ZNF518B: variants seen among roughly 807,000 people sequenced by gnomAD.
ZNF518B encodes the protein zinc finger protein 518B.
A neutral mutation model predicts 56.3 loss-of-function variants in ZNF518B; 23 were observed. The ratio of observed to expected loss-of-function variants is 0.41; its 90% CI spans 0.29 to 0.58. The LOEUF (loss-of-function observed/expected upper bound fraction) is 0.58. ZNF518B is among the 20% of genes least tolerant of loss of function. The pLI is 0.32. For missense variants in ZNF518B, 1,460 were observed against 1,272.1 expected, an observed-to-expected ratio of 1.15 and a Z score of -2.25; for synonymous variants, 529 against 465.9, an observed-to-expected ratio of 1.14 and a Z score of -1.74.
In ZNF518B at chr4:10,445,011, A is replaced by G. The variant is rs754168388; in HGVS notation, c.1318T>C (p.Phe440Leu). ...TGCACACTAGAATTTGGCATAATAAAATCATAAGACCTTACCCATTTCACA... is the reference window on the plus strand; with the variant it reads ...TGCACACTAGAATTTGGCATAATAAGATCATAAGACCTTACCCATTTCACA... The part of the protein sequence containing the change: ...KNVKWVRSYD[F>L]IMPNSSVHNN... Residue 440 changes from phenylalanine to leucine, a missense_variant, in exon 3 of 3, where the codon TTT (phenylalanine) becomes CTT (leucine). Coordinates refer to ENST00000326756, the MANE Select transcript of ZNF518B (RefSeq NM_053042.3). The G allele has an allele frequency of 6.2e-7, 1 of 1,614,182 alleles. No homozygotes were observed. Among genetic ancestry groups the G allele is most frequent in the Non-Finnish European group, 8.5e-7 (1 of 1,180,038 alleles).
rs1208271047 is a variant in ZNF518B, at chr4:10,445,646, A to G, written c.683T>C (p.Leu228Pro). 6.8e-6 allele frequency: 11 copies of G among 1,614,042 alleles called. No individual in the cohort carries two copies. Among genetic ancestry groups the G allele is most frequent in the African/African-American group, 2.7e-5 (2 of 74,930 alleles). ...TGAAGTTCCGGTTCTTTTTGGCTCC[A>G]GCTTGGCAACAGCTTTGACTGGCCG... The part of the protein sequence containing the change: ...AKRPVKAVAK[L>P]EPKRTGTSKQ... Residue 228 changes from leucine to proline, a missense_variant, in exon 3 of 3, where the codon CTG becomes CCG. By Grantham distance (98) the Leu-to-Pro change is moderately conservative. Coordinates refer to ENST00000326756, the MANE Select transcript of ZNF518B (RefSeq NM_053042.3).
chr4:10,446,981 A>G (rs1715086687), intron 2 of ZNF518B, among the ~76,000 whole-genome samples: 2 of 152,216 alleles, frequency 1.3e-5, no homozygotes, highest in Non-Finnish European at 1.5e-5. Context: ...GGGTGTTCAC[A>G]TTTGTTTCTA....
upstream of ZNF518B, among the ~76,000 whole-genome samples, chr4:10,460,738 C>T (rs1715720095): frequency 6.6e-6 from 1 of 152,178 alleles, no homozygotes; most frequent in South Asian, 2.1e-4. Flanking sequence ...TCTGAACTTC[C>T]TTCCATGCTT....
upstream of ZNF518B, among the ~76,000 whole-genome samples, chr4:10,457,726 G>C (rs1266276813): frequency 2.0e-5 from 3 of 152,230 alleles, no homozygotes; most frequent in Non-Finnish European, 4.4e-5. Context: ...GGGCGGCCTT[G>C]GCGCCTGCCT....
intron 1 of ZNF518B, among the ~76,000 whole-genome samples, chr4:10,456,875 C>T (rs977598157): frequency 1.3e-5 from 2 of 151,994 alleles, no homozygotes; most frequent in African/African-American, 2.4e-5. Context: ...CTTCATAACG[C>T]TGGGGGCGGG....
intron 2 of ZNF518B, chr4:10,451,686 AC>A (rs1164092177): frequency 6.6e-6 from 1 of 152,222 alleles, no homozygotes; most frequent in Non-Finnish European, 1.5e-5. Context: ...GTTTGGTTAT[AC>A]CGCCCGAAAG....
rs941721511 is a variant in ZNF518B, at chr4:10,440,121, A to G, written c.*2983T>C. On this transcript the variant is annotated 3_prime_UTR_variant, in exon 3 of 3. Coordinates refer to ENST00000326756, the MANE Select transcript of ZNF518B (RefSeq NM_053042.3). ...ATCTTCAACTTCTGAGATGGATTATATATAACATGTCCTAAAGAAAAAGGG... is the reference window on the plus strand; with the variant it reads ...ATCTTCAACTTCTGAGATGGATTATGTATAACATGTCCTAAAGAAAAAGGG... 2.0e-5 allele frequency: 3 copies of G among 152,514 alleles called. No homozygotes were observed. The highest frequency in any genetic ancestry group is 7.2e-5 in the African/African-American group (3 of 41,454). The allele number at this position is 152,514 out of a possible 1,614,324, so 9.4% of individuals were successfully genotyped here. A position where few individuals can be genotyped will look rare whatever the true frequency, so the allele number is the denominator to read the frequency against.
intron 2 of ZNF518B, among the ~76,000 whole-genome samples, chr4:10,450,638 G>A (rs953042985): frequency 6.6e-6 from 1 of 152,132 alleles, no homozygotes; most frequent in East Asian, 1.9e-4. Context: ...CTGTGAAGCT[G>A]AGTCCTCTTG....
At position 10,447,601 on chromosome 4, in the gene ZNF518B, G is replaced by A. The variant is rs547466355; in HGVS notation, c.-211-1062C>T. ...CCTGGCCTGGGACACAAGAGGTGAC[G>A]AAGGTTTTCTAGAGCAAGTAAGCAC... On this transcript the variant is annotated intron_variant, in intron 2 of 2. Transcript: ENST00000326756. Among the ~76,000 whole-genome samples the A allele has an allele frequency of 6.0e-5, 9 of 151,256 alleles. No individual in the cohort carries two copies. The South Asian group carries it at 6.3e-4, about 11-fold the overall frequency.
At chr4:10,448,486 C>T (rs1715165499) in intron 2 of ZNF518B, among the ~76,000 whole-genome samples, 1 of 152,126 alleles carries the variant, frequency 6.6e-6, no homozygotes, top group Admixed American at 6.5e-5. Context: ...TGATGACAAG[C>T]TGTATTTTCT....
rs746013682 is a variant in ZNF518B at position 10,445,504 on chromosome 4, G to A, written c.825C>T (p.Ile275=). ...LHANKDKMHN[I]MLLPEPKEYQ... Reference sequence around the variant, plus strand: ...ATTCCTTTGGTTCAGGTAACAACATGATATTGTGCATTTTGTCTTTATTTG... The same window carrying A: ...ATTCCTTTGGTTCAGGTAACAACATAATATTGTGCATTTTGTCTTTATTTG... The change falls in exon 3 of 3, where the codon ATC becomes ATT. Residue 275 remains isoleucine (I), a synonymous_variant. Coordinates refer to ENST00000326756, the MANE Select transcript of ZNF518B (RefSeq NM_053042.3). 7 of 1,614,168 alleles carry A rather than the reference G, an allele frequency of 4.3e-6. No homozygotes were observed. In the East Asian group the frequency reaches 1.6e-4, roughly 36 times the overall value.
upstream of ZNF518B, among the ~76,000 whole-genome samples, chr4:10,460,236 CGG>C (rs1715698613): frequency 1.4e-5 from 2 of 138,078 alleles, no homozygotes; most frequent in Admixed American, 8.6e-5. Flanking sequence ...ACCCAAGAGA[CGG>C]AGGGTGTAGT....
At chr4:10,460,325 C>CAAAAAAAAAAAAAAAAAAAAAAAAAAAA (rs1043723933), upstream of ZNF518B, among the ~76,000 whole-genome samples, 4 of 57,600 alleles carry the variant, frequency 6.9e-5, 1 homozygote, top group African/African-American at 4.0e-4. Context: ...AAAAAAAAAC[C>CAAAAAAAAAAAAAAAAAAAAAAAAAAAA]AAAAAAAAAA....
intron 2 of ZNF518B, chr4:10,452,352 C>T (rs930315686): frequency 1.3e-5 from 2 of 152,094 alleles, no homozygotes; most frequent in Non-Finnish European, 2.9e-5. Context: ...AGCATTAAGC[C>T]CAATGGCATA....
chr4:10,456,950 G>C (rs1471162805), intron 1 of ZNF518B, among the ~76,000 whole-genome samples: 7 of 151,030 alleles, frequency 4.6e-5, no homozygotes, highest in Admixed American at 4.6e-4. Flanking sequence ...CCCCGCCTCG[G>C]TCGCCCCGGC....
chr4:10,451,143 T>A (rs900528921), intron 2 of ZNF518B: 9 of 152,146 alleles, frequency 5.9e-5, no homozygotes, highest in Non-Finnish European at 4.4e-5. Context: ...GATTTTGAGC[T>A]CACTTGCCCT....
intron 2 of ZNF518B, among the ~76,000 whole-genome samples, chr4:10,450,326 G>A (rs573847997): frequency 6.6e-6 from 1 of 152,332 alleles, no homozygotes; most frequent in Non-Finnish European, 1.5e-5. Context: ...ATAATGCAAT[G>A]TTACTACATT....
chr4:10,442,756 A>G lies in ZNF518B; in HGVS notation c.*348T>C, dbSNP rs1199398413. 1.0e-5 allele frequency: 2 copies of G among 192,862 alleles called. No individual in the cohort carries two copies. The highest frequency in any genetic ancestry group is 4.7e-5 in the African/African-American group (2 of 42,996). 11.9% of individuals were successfully genotyped at this position (192,862 alleles called of 1,614,324 possible). A position where few individuals can be genotyped will look rare whatever the true frequency, so the allele number is the denominator to read the frequency against. On this transcript the variant is annotated 3_prime_UTR_variant, in exon 3 of 3. Transcript: ENST00000326756. ...GAAGAGCATGTGTAAAACATTCTCA[A>G]TCTGCCCCTCTGAATGGATTATGAA...
At chr4:10,455,332 G>C (rs1175332479) in intron 1 of ZNF518B, among the ~76,000 whole-genome samples, 2 of 152,180 alleles carry the variant, frequency 1.3e-5, no homozygotes, top group South Asian at 2.1e-4. Context: ...AGCTGAGTTT[G>C]CATAACAAAG....
Sources: allele counts gnomAD v4.1 joint callset (sites outside exome capture counted in the v4.1 genomes callset), GRCh38; gene constraint gnomAD v4.1.1; transcripts MANE v1.5; gene names NCBI Gene and HGNC (gene_info 2026-07-23, HGNC 2026-07-21).